RCAN2: variants seen among roughly 807,000 people sequenced by gnomAD.
RCAN2 encodes the protein regulator of calcineurin 2.
Under a neutral mutation model 23.6 loss-of-function variants are expected in RCAN2, and 9 were observed. The observed-to-expected ratio is 0.38, with a 90% confidence interval of 0.23 to 0.67. The LOEUF (loss-of-function observed/expected upper bound fraction) is 0.67. Ranked by LOEUF, RCAN2 falls within the 30% of genes least tolerant of loss-of-function variation. RCAN2 has a pLI of 0.51. For missense variants in RCAN2, 273 were observed against 302.3 expected, an observed-to-expected ratio of 0.90 and a Z score of 0.72; for synonymous variants, 109 against 115.7, an observed-to-expected ratio of 0.94 and a Z score of 0.37.
rs115657587 is a variant in RCAN2, at chr6:46,248,455, G to T, written c.399+268C>A. Among the ~76,000 whole-genome samples, 231 of 152,202 alleles carry T rather than the reference G, an allele frequency of 1.5e-3. 2 individuals carry two copies. The highest frequency in any genetic ancestry group is 5.2e-3 in the African/African-American group (217 of 41,530). On this transcript the variant is annotated intron_variant, in intron 3 of 4. Coordinates refer to ENST00000371374, the MANE Select transcript of RCAN2 (RefSeq NM_001251974.2). The stretch of plus-strand genomic sequence containing the variant: ...CATGCAATCCTCATAACAGTATGGG[G>T]TGTAGATCTTGATCATCCCCACTTT...
chr6:46,345,798 T>C (rs1300528359), intron 2 of RCAN2, among the ~76,000 whole-genome samples: 1 of 152,164 alleles, frequency 6.6e-6, no homozygotes, highest in East Asian at 1.9e-4. Flanking sequence ...TAAAGACAAG[T>C]TGTGAAATCC....
intron 4 of RCAN2, among the ~76,000 whole-genome samples, chr6:46,226,377 G>A (rs1450512915): frequency 6.6e-6 from 1 of 152,154 alleles, no homozygotes; most frequent in Non-Finnish European, 1.5e-5. Flanking sequence ...ACCTTGGGCA[G>A]TATGGCCATT....
chr6:46,329,264 C>T lies in RCAN2; in HGVS notation c.226-80368G>A, dbSNP rs549910795. On this transcript the variant is annotated intron_variant, in intron 2 of 4. Transcript: ENST00000371374. ...TCACATCTCTTTGGAAAAGTATTCC[C>T]CAATCAGCTAAAATAAAAATTGTGT... Among the ~76,000 whole-genome samples the T allele has an allele frequency of 2.6e-5, 4 of 152,258 alleles. No homozygotes were observed. In the South Asian group the frequency reaches 6.2e-4, roughly 24 times the overall value.
At chr6:46,474,641 C>A (rs759856392) in intron 1 of RCAN2, among the ~76,000 whole-genome samples, 8 of 152,104 alleles carry the variant, frequency 5.3e-5, no homozygotes, top group African/African-American at 1.2e-4. Context: ...AACCTCCTCA[C>A]AATAGCATAG....
chr6:46,223,618 T>C (rs1581999251), intron 4 of RCAN2, among the ~76,000 whole-genome samples: 1 of 152,196 alleles, frequency 6.6e-6, no homozygotes, highest in East Asian at 1.9e-4. Flanking sequence ...ACTTGGCAGT[T>C]AGTCGTATTA....
chr6:46,350,959 TC>T (rs1241165440), intron 2 of RCAN2, among the ~76,000 whole-genome samples: 2 of 152,196 alleles, frequency 1.3e-5, no homozygotes, highest in Non-Finnish European at 2.9e-5. Context: ...GGGCTAGTCA[TC>T]CTGTCTGTGT....
At chr6:46,266,684 C>T (rs1017975497) in intron 2 of RCAN2, among the ~76,000 whole-genome samples, 2 of 152,196 alleles carry the variant, frequency 1.3e-5, no homozygotes, top group African/African-American at 4.8e-5. Flanking sequence ...AGCAGATTCC[C>T]TGATCTCACT....
intron 2 of RCAN2, among the ~76,000 whole-genome samples, chr6:46,323,971 G>A (rs1188115523): frequency 1.3e-5 from 2 of 152,214 alleles, no homozygotes; most frequent in African/African-American, 4.8e-5. Context: ...AACTGTTGAG[G>A]ACAGAAGGGA....
chr6:46,248,360 CTTA>C (rs1766592190), intron 3 of RCAN2, among the ~76,000 whole-genome samples: 1 of 152,190 alleles, frequency 6.6e-6, no homozygotes, highest in African/African-American at 2.4e-5. Flanking sequence ...TTACGTCATT[CTTA>C]TTATAACTAC....
At chr6:46,441,546 T>G (rs913569311) in intron 2 of RCAN2, among the ~76,000 whole-genome samples, 20 of 152,170 alleles carry the variant, frequency 1.3e-4, no homozygotes, top group Non-Finnish European at 2.1e-4. Context: ...AAAAATTTTT[T>G]GGGGGGAAAG....
intron 2 of RCAN2, among the ~76,000 whole-genome samples, chr6:46,421,752 C>T (rs1254986700): frequency 1.3e-5 from 2 of 152,120 alleles, no homozygotes; most frequent in Non-Finnish European, 2.9e-5. Flanking sequence ...TTCAATGAGA[C>T]TCCATTAGAA....
At chr6:46,380,311 T>C (rs755308918) in intron 2 of RCAN2, among the ~76,000 whole-genome samples, 5 of 152,210 alleles carry the variant, frequency 3.3e-5, no homozygotes, top group African/African-American at 9.6e-5. Context: ...TCAGTTCAGG[T>C]CAGGCTTTGC....
At chr6:46,312,010 A>T (rs1763279998) in intron 2 of RCAN2, among the ~76,000 whole-genome samples, 1 of 152,154 alleles carries the variant, frequency 6.6e-6, no homozygotes, top group Admixed American at 6.6e-5. Flanking sequence ...GATATGTGTA[A>T]CTTCTGGAGT....
At chr6:46,242,782 C>T (rs927275760) in intron 4 of RCAN2, among the ~76,000 whole-genome samples, 2 of 152,094 alleles carry the variant, frequency 1.3e-5, no homozygotes, top group East Asian at 1.9e-4. Context: ...TAATGCTTCC[C>T]GACTGAGTCT....
intron 2 of RCAN2, among the ~76,000 whole-genome samples, chr6:46,273,741 T>C (rs1173964478): frequency 6.6e-6 from 1 of 152,244 alleles, no homozygotes; most frequent in African/African-American, 2.4e-5. Flanking sequence ...TTAATCAACA[T>C]TGATTTGGCT....
At chr6:46,370,293 T>G (rs1481419863) in intron 2 of RCAN2, among the ~76,000 whole-genome samples, 1 of 152,138 alleles carries the variant, frequency 6.6e-6, no homozygotes, top group African/African-American at 2.4e-5. Flanking sequence ...TCAGACTCCT[T>G]CCCTTGTTCA....
intron 2 of RCAN2, among the ~76,000 whole-genome samples, chr6:46,368,095 T>C (rs529370858): frequency 9.2e-5 from 14 of 152,348 alleles, no homozygotes; most frequent in South Asian, 4.1e-4. Flanking sequence ...ATTGTCTCTA[T>C]GGCAACTACT....
intron 2 of RCAN2, among the ~76,000 whole-genome samples, chr6:46,314,359 CAAAAAAAA>C (rs537111154): frequency 1.1e-5 from 1 of 92,218 alleles, no homozygotes; most frequent in African/African-American, 3.9e-5. Flanking sequence ...GAGACTCTGT[CAAAAAAAA>C]AAAAAAAAAA....
At chr6:46,485,178 G>GAT (rs1768964760) in intron 1 of RCAN2, among the ~76,000 whole-genome samples, 3 of 151,990 alleles carry the variant, frequency 2.0e-5, no homozygotes, top group African/African-American at 7.2e-5. Context: ...TTAAATAATT[G>GAT]GGAACAATCT....
Sources: gnomAD v4.1 joint callset for allele counts (sites outside exome capture counted in the v4.1 genomes callset) on GRCh38, gnomAD v4.1.1 for gene constraint, MANE v1.5 for transcripts, NCBI Gene and HGNC (gene_info 2026-07-23, HGNC 2026-07-21) for gene names.